The following TIAM1 variants were observed in gnomAD, a reference collection of about 807,000 sequenced individuals.
TIAM1 encodes rho guanine nucleotide exchange factor TIAM1.
A neutral mutation model predicts 163.5 loss-of-function variants in TIAM1; 65 were observed. That is an observed-to-expected ratio of 0.40 (90% CI 0.33 to 0.49). The LOEUF is 0.49. TIAM1 is among the 20% of genes least tolerant of loss of function. TIAM1 has a pLI of 0.77. For synonymous variants in TIAM1, 833 were observed against 810.1 expected (o/e 1.03, Z -0.48); for missense variants, 1,789 against 2,044.7 (o/e 0.87, Z 2.41).
intron 2 of TIAM1, among the ~76,000 whole-genome samples, chr21:31,331,793 G>A (rs2147067166): frequency 6.6e-6 from 1 of 152,312 alleles, no homozygotes. Flanking sequence ...GTCACAGAAT[G>A]AGGGTCCCAC....
intron 2 of TIAM1, among the ~76,000 whole-genome samples, chr21:31,413,052 T>A (rs12626872): frequency 6.6e-6 from 1 of 152,020 alleles, no homozygotes; most frequent in East Asian, 1.9e-4. Context: ...CTGCAATCTA[T>A]GCATGTAACA....
chr21:31,283,243 T>C (rs2073648800), intron 2 of TIAM1, among the ~76,000 whole-genome samples: 1 of 152,168 alleles, frequency 6.6e-6, no homozygotes, highest in Non-Finnish European at 1.5e-5. Flanking sequence ...AACTACACCT[T>C]TGACTGACAG....
At chr21:31,491,428 A>G (rs1054659696) in intron 1 of TIAM1, among the ~76,000 whole-genome samples, 7 of 152,230 alleles carry the variant, frequency 4.6e-5, no homozygotes, top group Non-Finnish European at 7.3e-5. Context: ...TATTAAAGCC[A>G]AAAGACAATG....
chr21:31,421,612 C>T (rs1350251011), intron 2 of TIAM1, among the ~76,000 whole-genome samples: 1 of 152,144 alleles, frequency 6.6e-6, no homozygotes, highest in East Asian at 1.9e-4. Flanking sequence ...CATTCTGAAA[C>T]CTTGGGTCCG....
Position 31,152,622 on chromosome 21 carries a change from T to G in TIAM1, c.3366+14A>C, listed in dbSNP as rs745855330. ...CTATAGCCCTGACGCTGGAGGCAGC[T>G]TTGCACTATTTACCTTAAATTGATC... On this transcript the variant is annotated intron_variant, in intron 19 of 27. Transcript: ENST00000541036. 5.0e-5 allele frequency: 80 copies of G among 1,613,886 alleles called. 1 individual carries two copies. In the East Asian group the frequency reaches 1.8e-3, roughly 36 times the overall value.
intron 16 of TIAM1, among the ~76,000 whole-genome samples, chr21:31,164,508 G>A (rs1446430628): frequency 2.0e-5 from 3 of 151,996 alleles, no homozygotes. Flanking sequence ...TTAAAATATG[G>A]TTTCTTTCCC....
chr21:31,261,415 A>G (rs2146794343), intron 4 of TIAM1, among the ~76,000 whole-genome samples: 1 of 152,258 alleles, frequency 6.6e-6, no homozygotes, highest in Middle Eastern at 3.4e-3. Flanking sequence ...AGTCAGAAAG[A>G]AGACTTGGAT....
intron 1 of TIAM1, among the ~76,000 whole-genome samples, chr21:31,465,536 A>G (rs1190755881): frequency 6.6e-6 from 1 of 151,718 alleles, no homozygotes; most frequent in East Asian, 1.9e-4. Flanking sequence ...CCAGCCTATA[A>G]GGGCAGTGAC....
intron 2 of TIAM1, among the ~76,000 whole-genome samples, chr21:31,316,243 T>C (rs2075120602): frequency 6.6e-6 from 1 of 152,138 alleles, no homozygotes; most frequent in Non-Finnish European, 1.5e-5. Flanking sequence ...ACCTAGCTGT[T>C]TCCTGCCTCC....
At chr21:31,323,483 C>T (rs887092698) in intron 2 of TIAM1, among the ~76,000 whole-genome samples, 4 of 151,736 alleles carry the variant, frequency 2.6e-5, no homozygotes, top group African/African-American at 9.7e-5. Flanking sequence ...CCAACGTGGG[C>T]GAATCACTTC....
chr21:31,457,010 T>C (rs951355475), intron 2 of TIAM1, among the ~76,000 whole-genome samples: 2 of 152,238 alleles, frequency 1.3e-5, no homozygotes, highest in African/African-American at 4.8e-5. Flanking sequence ...TTTTGCAATG[T>C]TTTTCACAGT....
At chr21:31,320,523 T>C (rs988399108) in intron 2 of TIAM1, among the ~76,000 whole-genome samples, 9 of 152,150 alleles carry the variant, frequency 5.9e-5, no homozygotes, top group Non-Finnish European at 4.4e-5. Context: ...CAAAAAATAA[T>C]GGCTTTGGTC....
In TIAM1 at chr21:31,266,283, A is replaced by G. The variant is rs376485646; in HGVS notation, c.690T>C (p.Asn230=). 1.2e-6 allele frequency: 2 copies of G among 1,614,032 alleles called. No homozygotes were observed. Among genetic ancestry groups the G allele is most frequent in the African/African-American group, 1.3e-5 (1 of 74,914 alleles). Residue 230 remains asparagine (N), a synonymous_variant, in exon 4 of 28, where the codon AAT becomes AAC. Transcript: ENST00000541036. The part of the protein sequence containing the change: ...PRQLSTCQRA[N]SLGDLYAQKN... ...TCTGAGCATACAAGTCACCCAAGGAATTGGCTCTCTGACAGGTGCTGAGCT... is the reference window on the plus strand; with the variant it reads ...TCTGAGCATACAAGTCACCCAAGGAGTTGGCTCTCTGACAGGTGCTGAGCT...
chr21:31,380,837 T>C (rs1471953965), intron 2 of TIAM1, among the ~76,000 whole-genome samples: 1 of 152,248 alleles, frequency 6.6e-6, no homozygotes, highest in East Asian at 1.9e-4. Context: ...ATTTGCATTG[T>C]ACCGGATCGG....
Position 31,165,013 on chromosome 21 carries a change from C to A in TIAM1, c.2940G>T (p.Glu980Asp). 6.2e-7 allele frequency: 1 copy of A among 1,614,156 alleles called. No homozygotes were observed. Residue 980 changes from glutamate (E) to aspartate (D), a missense_variant, in exon 16 of 28, where the codon GAG becomes GAT. Physicochemically the swap from Glu to Asp is conservative, Grantham distance 45 (BLOSUM62 2). Coordinates refer to ENST00000541036, the MANE Select transcript of TIAM1 (RefSeq NM_001353694.2). ...QGSSAETAPE[E>D]TEGPDLESSD... ...AGGATTCCAAGTCTGGCCCCTCGGT[C>A]TCCTCTGGAGCGGTCTCAGCACTGC...
At chr21:31,447,409 C>A (rs371852661) in intron 2 of TIAM1, among the ~76,000 whole-genome samples, 7 of 151,836 alleles carry the variant, frequency 4.6e-5, no homozygotes, top group African/African-American at 1.7e-4. Context: ...GCACTCCAGC[C>A]TGGGCAACAG....
At chr21:31,288,710 T>A (rs1458627531) in intron 2 of TIAM1, among the ~76,000 whole-genome samples, 2 of 152,168 alleles carry the variant, frequency 1.3e-5, no homozygotes, top group African/African-American at 2.4e-5. Flanking sequence ...TTTATGGAAC[T>A]TAAAACACAC....
chr21:31,434,662 A>G (rs1412621654), intron 2 of TIAM1, among the ~76,000 whole-genome samples: 1 of 152,158 alleles, frequency 6.6e-6, no homozygotes, highest in Non-Finnish European at 1.5e-5. Flanking sequence ...ACTAACCACA[A>G]CCGTGTTTTA....
chr21:31,429,845 T>C (rs2043936890), intron 2 of TIAM1, among the ~76,000 whole-genome samples: 1 of 152,128 alleles, frequency 6.6e-6, no homozygotes, highest in Non-Finnish European at 1.5e-5. Context: ...ATGTTACTTT[T>C]CTTCTGGACT....
Sources: gnomAD v4.1 joint callset for allele counts (sites outside exome capture counted in the v4.1 genomes callset) on GRCh38, gnomAD v4.1.1 for gene constraint, MANE v1.5 for transcripts, NCBI Gene and HGNC (gene_info 2026-07-23, HGNC 2026-07-21) for gene names.